The following PAPPA2 variants were observed in gnomAD, a reference collection of about 807,000 sequenced individuals.
PAPPA2 encodes pappalysin 2, also known as pappalysin-2.
PAPPA2 carries 86 observed loss-of-function variants against 176.4 expected under a neutral mutation model. The ratio of observed to expected loss-of-function variants is 0.49; its 90% confidence interval spans 0.41 to 0.58. The LOEUF is 0.58. Ranked by LOEUF, PAPPA2 falls within the 20% of genes least tolerant of loss-of-function variation. PAPPA2 has a pLI of 0.00. For synonymous variants in PAPPA2, 809 were observed against 852.2 expected (o/e 0.95, Z 0.88); for missense variants, 2,073 against 2,256.9 (o/e 0.92, Z 1.65).
chr1:176,793,132 C>G (rs1030597569), intron 19 of PAPPA2, among the ~76,000 whole-genome samples: 1 of 152,170 alleles, frequency 6.6e-6, no homozygotes, highest in African/African-American at 2.4e-5. Flanking sequence ...CAATTTTAAG[C>G]TTCCAGGAGA....
intron 21 of PAPPA2, among the ~76,000 whole-genome samples, chr1:176,820,895 G>T (rs1666638886): frequency 6.6e-6 from 1 of 152,170 alleles, no homozygotes; most frequent in South Asian, 2.1e-4. Flanking sequence ...GATACTTCAT[G>T]CATGGGAAGC....
At chr1:176,570,459 C>G (rs1001151001) in intron 2 of PAPPA2, among the ~76,000 whole-genome samples, 1 of 152,164 alleles carries the variant, frequency 6.6e-6, no homozygotes, top group Non-Finnish European at 1.5e-5. Flanking sequence ...CAACTTCATG[C>G]AGAATAATAG....
chr1:176,801,650 G>A (rs1297922538), intron 21 of PAPPA2, among the ~76,000 whole-genome samples: 1 of 151,994 alleles, frequency 6.6e-6, no homozygotes, highest in Non-Finnish European at 1.5e-5. Context: ...GTAAGAAGGA[G>A]GGAAGAGAGG....
chr1:176,676,911 T>C (rs1659327731), intron 4 of PAPPA2, among the ~76,000 whole-genome samples: 1 of 152,110 alleles, frequency 6.6e-6, no homozygotes, highest in Non-Finnish European at 1.5e-5. Context: ...AATGCTTAAA[T>C]TGTCTCATGA....
intron 12 of PAPPA2, among the ~76,000 whole-genome samples, chr1:176,723,988 T>A (rs1051995848): frequency 1.4e-4 from 21 of 152,308 alleles, no homozygotes; most frequent in African/African-American, 4.8e-4. Flanking sequence ...TCAAAGTGCT[T>A]TTTCTACATC....
chr1:176,539,621 A>AT (rs545050602), intron 1 of PAPPA2, among the ~76,000 whole-genome samples: 168 of 150,798 alleles, frequency 1.1e-3, no homozygotes, highest in East Asian at 8.6e-3. Context: ...GTGTCATGTG[A>AT]TTTTTTTTTT....
At chr1:176,645,748 A>C (rs1024530878) in intron 3 of PAPPA2, among the ~76,000 whole-genome samples, 2 of 151,592 alleles carry the variant, frequency 1.3e-5, no homozygotes, top group Admixed American at 1.3e-4. Context: ...CCTCACCAGC[A>C]TCTGTTGTTG....
intron 1 of PAPPA2, among the ~76,000 whole-genome samples, chr1:176,551,060 T>C (rs1650919077): frequency 6.6e-6 from 1 of 152,070 alleles, no homozygotes; most frequent in Non-Finnish European, 1.5e-5. Context: ...TGCGATTAAT[T>C]GTGTGACTTA....
chr1:176,714,469 G>T (rs2102839447), intron 12 of PAPPA2, among the ~76,000 whole-genome samples: 1 of 151,046 alleles, frequency 6.6e-6, no homozygotes, highest in East Asian at 1.9e-4. Flanking sequence ...CCCCTATCAG[G>T]TATTATTAAA....
intron 1 of PAPPA2, among the ~76,000 whole-genome samples, chr1:176,532,066 A>G (rs186185878): frequency 3.3e-5 from 5 of 152,294 alleles, no homozygotes; most frequent in Admixed American, 1.3e-4. Flanking sequence ...ACCAGCAGCA[A>G]TTTGGTTGTG....
intron 9 of PAPPA2, among the ~76,000 whole-genome samples, chr1:176,703,112 C>G (rs1660736058): frequency 6.6e-6 from 1 of 152,116 alleles, no homozygotes; most frequent in Non-Finnish European, 1.5e-5. Context: ...GGTTACTCAT[C>G]AAATGATGCT....
chr1:176,583,437 G>T (rs1042808073), intron 2 of PAPPA2, among the ~76,000 whole-genome samples: 1 of 151,824 alleles, frequency 6.6e-6, no homozygotes, highest in Admixed American at 6.6e-5. Context: ...TCATTTTTTT[G>T]AGAAATTTAT....
chr1:176,545,407 C>T (rs1019337235), intron 1 of PAPPA2, among the ~76,000 whole-genome samples: 1 of 145,686 alleles, frequency 6.9e-6, no homozygotes, highest in Non-Finnish European at 1.5e-5. Context: ...ATTCAACCAA[C>T]CTCAGAAAAA....
intron 3 of PAPPA2, among the ~76,000 whole-genome samples, chr1:176,598,100 TG>T (rs1654083288): frequency 6.6e-6 from 1 of 152,218 alleles, no homozygotes; most frequent in East Asian, 1.9e-4. Context: ...TTATACTTTT[TG>T]ATAGTTAAAA....
In PAPPA2 at chr1:176,479,052, T is replaced by A. The variant is rs149286684; in HGVS notation, c.-917+15634T>A. On this transcript the variant is annotated intron_variant, in intron 1 of 22. Transcript: ENST00000367662. The stretch of plus-strand genomic sequence containing the variant: ...TTCTCCACAAGGACTTGACAAGGAT[T>A]TTTTCACTCAAAAAACATTTTAGAC... Among the ~76,000 whole-genome samples, 643 of 152,232 alleles carry A rather than the reference T, an allele frequency of 4.2e-3. 3 individuals carry two copies. The highest frequency in any genetic ancestry group is 0.014 in the African/African-American group (599 of 41,536).
At chr1:176,649,260 G>C (rs1411939866) in intron 3 of PAPPA2, among the ~76,000 whole-genome samples, 16 of 151,112 alleles carry the variant, frequency 1.1e-4, no homozygotes, top group African/African-American at 3.6e-4. Flanking sequence ...TGTATTCTGA[G>C]GTCTCAGAAA....
chr1:176,613,965 A>G (rs1051265707), intron 3 of PAPPA2, among the ~76,000 whole-genome samples: 25 of 152,340 alleles, frequency 1.6e-4, no homozygotes, highest in African/African-American at 4.8e-4. Context: ...GCAAGTCCCA[A>G]CTTAAAAAGA....
At chr1:176,503,301 G>A (rs1035984289) in intron 1 of PAPPA2, among the ~76,000 whole-genome samples, 2 of 152,260 alleles carry the variant, frequency 1.3e-5, no homozygotes, top group African/African-American at 4.8e-5. Context: ...CCACTTTAGA[G>A]AACCCTTTGA....
chr1:176,602,639 C>T (rs1654392791), intron 3 of PAPPA2, among the ~76,000 whole-genome samples: 1 of 151,752 alleles, frequency 6.6e-6, no homozygotes, highest in African/African-American at 2.4e-5. Flanking sequence ...AAAACACACG[C>T]AGGGAAAATA....
Sources: allele counts gnomAD v4.1 joint callset (sites outside exome capture counted in the v4.1 genomes callset), GRCh38; gene constraint gnomAD v4.1.1; transcripts MANE v1.5; gene names NCBI Gene and HGNC (gene_info 2026-07-23, HGNC 2026-07-21).